Variants in FRAS1 observed in about 807,000 individuals in gnomAD.
The protein encoded by FRAS1 is Fraser extracellular matrix complex subunit 1, also known as extracellular matrix organizing protein FRAS1.
A neutral mutation model predicts 435.2 loss-of-function variants in FRAS1; 290 were observed. That is an observed-to-expected ratio of 0.67 (90% CI 0.61 to 0.73). The LOEUF (loss-of-function observed/expected upper bound fraction) is 0.73, where lower values mean the gene tolerates loss of function less well. FRAS1 is among the 30% of genes least tolerant of loss of function. FRAS1 has a pLI of 0.00. For synonymous variants in FRAS1, 1,800 were observed against 1,851.0 expected, an observed-to-expected ratio of 0.97 and a Z score of 0.71; for missense variants, 4,860 against 5,001.5, an observed-to-expected ratio of 0.97 and a Z score of 0.85.
chr4:78,321,547 A>C (rs890336721), intron 18 of FRAS1, among the ~76,000 whole-genome samples: 3 of 152,140 alleles, frequency 2.0e-5, no homozygotes, highest in African/African-American at 7.2e-5. Context: ...GGCACCTTTA[A>C]AAAGATTAGA....
chr4:78,475,322 TC>T, intron 53 of FRAS1, 115 bp from the exon 54 acceptor site: 4 of 1,072,622 alleles, frequency 3.7e-6, no homozygotes, highest in Non-Finnish European at 5.5e-6. Flanking sequence ...GAACCAAACT[TC>T]CTCTTCTCTG....
chr4:78,539,970 A>G (rs767487119), intron 73 of FRAS1, among the ~76,000 whole-genome samples: 4 of 152,250 alleles, frequency 2.6e-5, no homozygotes, highest in Non-Finnish European at 4.4e-5. Context: ...TTTCGAAACC[A>G]TGAAGCATTT....
intron 2 of FRAS1, among the ~76,000 whole-genome samples, chr4:78,233,437 G>T (rs1444799585): frequency 6.6e-6 from 1 of 152,180 alleles, no homozygotes; most frequent in African/African-American, 2.4e-5. Flanking sequence ...CACTCTGCTA[G>T]GTTTTACTTG....
intron 2 of FRAS1, among the ~76,000 whole-genome samples, chr4:78,192,736 T>C (rs927012288): frequency 1.3e-5 from 2 of 152,202 alleles, no homozygotes; most frequent in African/African-American, 4.8e-5. Context: ...CCTGGATTCA[T>C]TGATTTTTTG....
At chr4:78,181,694 T>C in intron 2 of FRAS1, 3 of 1,609,570 alleles carry the variant, frequency 1.9e-6, no homozygotes, top group Admixed American at 3.3e-5. Flanking sequence ...CCCCTCACCC[T>C]GAAGTTGTTG....
intron 3 of FRAS1, among the ~76,000 whole-genome samples, chr4:78,242,638 G>T (rs1336991045): frequency 6.6e-6 from 1 of 152,174 alleles, no homozygotes; most frequent in South Asian, 2.1e-4. Context: ...GTTTCACCAT[G>T]ATGGCCAGGC....
At chr4:78,418,536 C>T (rs1040286108) in intron 32 of FRAS1, among the ~76,000 whole-genome samples, 1 of 152,112 alleles carries the variant, frequency 6.6e-6, no homozygotes, top group Non-Finnish European at 1.5e-5. Context: ...AGAGCCAGAC[C>T]CTGTCTCTTA....
At chr4:78,300,791 A>C (rs1578236903) in intron 14 of FRAS1, among the ~76,000 whole-genome samples, 1 of 151,622 alleles carries the variant, frequency 6.6e-6, no homozygotes, top group Non-Finnish European at 1.5e-5. Context: ...TGCCTCACCA[A>C]CTCCAGCCAC....
chr4:78,144,501 A>G (rs893538582), intron 2 of FRAS1, among the ~76,000 whole-genome samples: 5 of 151,842 alleles, frequency 3.3e-5, no homozygotes, highest in African/African-American at 1.2e-4. Flanking sequence ...ATTTTAATGT[A>G]TTTAAAAAGA....
At chr4:78,211,213 G>A (rs1189599549) in intron 2 of FRAS1, among the ~76,000 whole-genome samples, 1 of 152,208 alleles carries the variant, frequency 6.6e-6, no homozygotes, top group East Asian at 1.9e-4. Context: ...TCTGGGTGTT[G>A]ATAAGTTTAT....
chr4:78,116,484 T>C (rs1170398887), intron 2 of FRAS1, among the ~76,000 whole-genome samples: 1 of 152,224 alleles, frequency 6.6e-6, no homozygotes, highest in Non-Finnish European at 1.5e-5. Context: ...TGTAGGTCTC[T>C]AAGGACTTGC....
chr4:78,517,212 C>T (rs1377642360), intron 66 of FRAS1, among the ~76,000 whole-genome samples: 1 of 152,168 alleles, frequency 6.6e-6, no homozygotes, highest in Admixed American at 6.5e-5. Flanking sequence ...TGTGGTGCCT[C>T]TCAGCCTGGT....
chr4:78,165,208 A>ATAAAAT (rs1721287746), intron 2 of FRAS1, among the ~76,000 whole-genome samples: 1 of 152,226 alleles, frequency 6.6e-6, no homozygotes, highest in South Asian at 2.1e-4. Flanking sequence ...TTTATAAAAC[A>ATAAAAT]CTTTCATCAT....
At chr4:78,430,495 A>C in intron 37 of FRAS1, 78 bp downstream of exon 37, 47 of 1,446,644 alleles carry the variant, frequency 3.2e-5, no homozygotes, top group Middle Eastern at 2.3e-4. Flanking sequence ...TATGTGTCTC[A>C]GACGAGAGCA....
At chr4:78,140,744 T>C (rs565782543) in intron 2 of FRAS1, among the ~76,000 whole-genome samples, 7 of 147,150 alleles carry the variant, frequency 4.8e-5, no homozygotes, top group South Asian at 2.1e-4. Context: ...TGTGTATATG[T>C]ATATACGTGT....
At chr4:78,528,461 T>G (rs774424802) in intron 70 of FRAS1, among the ~76,000 whole-genome samples, 1 of 152,216 alleles carries the variant, frequency 6.6e-6, no homozygotes, top group African/African-American at 2.4e-5. Context: ...ATCTGTTTTC[T>G]GCCACTATGG....
intron 2 of FRAS1, chr4:78,181,887 C>T (rs1722023702): frequency 2.5e-6 from 4 of 1,611,392 alleles, no homozygotes; most frequent in African/African-American, 2.7e-5. Context: ...GCCTGAGCTG[C>T]GCTCTTGGCC....
intron 67 of FRAS1, among the ~76,000 whole-genome samples, chr4:78,520,041 A>AT (rs1202651327): frequency 6.6e-6 from 1 of 152,038 alleles, no homozygotes; most frequent in Non-Finnish European, 1.5e-5. Context: ...GCTCATCCCC[A>AT]TTACTGTCCT....
chr4:78,325,025 A>G (rs1729663411), intron 18 of FRAS1, among the ~76,000 whole-genome samples: 1 of 152,152 alleles, frequency 6.6e-6, no homozygotes. Context: ...TTACTTACAC[A>G]TTGTCTAATT....
Sources: allele counts gnomAD v4.1 joint callset (sites outside exome capture counted in the v4.1 genomes callset), GRCh38; gene constraint gnomAD v4.1.1; transcripts MANE v1.5; gene names NCBI Gene and HGNC (gene_info 2026-07-23, HGNC 2026-07-21).